Variants in TMEM178B observed in about 807,000 individuals in gnomAD.
The protein encoded by TMEM178B is transmembrane protein 178B.
In TMEM178B, 5 loss-of-function variants were observed where a neutral mutation model predicts 31.0. The observed-to-expected ratio is 0.16, with a 90% CI of 0.08 to 0.34. The LOEUF (loss-of-function observed/expected upper bound fraction) is 0.34, where lower values mean the gene tolerates loss of function less well. TMEM178B is among the 10% of genes least tolerant of loss of function. The pLI is 1.00. For missense variants in TMEM178B, 275 were observed against 400.3 expected, an observed-to-expected ratio of 0.69 and a Z score of 2.67; for synonymous variants, 164 against 164.0, an observed-to-expected ratio of 1.00 and a Z score of 0.00.
chr7:141,089,900 C>G (rs1794851978), intron 1 of TMEM178B, among the ~76,000 whole-genome samples: 1 of 151,856 alleles, frequency 6.6e-6, no homozygotes, highest in South Asian at 2.1e-4. Flanking sequence ...AGGAGATATA[C>G]CTAATGTAAA....
At chr7:141,430,399 C>T (rs1477067163) in intron 2 of TMEM178B, among the ~76,000 whole-genome samples, 3 of 152,202 alleles carry the variant, frequency 2.0e-5, no homozygotes, top group Non-Finnish European at 2.9e-5. Context: ...TCTAGCATTG[C>T]GCCAGGTACT....
intron 2 of TMEM178B, among the ~76,000 whole-genome samples, chr7:141,277,974 T>G (rs1436174147): frequency 6.6e-6 from 1 of 152,202 alleles, no homozygotes; most frequent in African/African-American, 2.4e-5. Flanking sequence ...TATGAAGATA[T>G]GAAGAGTCAG....
chr7:141,079,906 G>C (rs1057109375), intron 1 of TMEM178B, among the ~76,000 whole-genome samples: 1 of 152,200 alleles, frequency 6.6e-6, no homozygotes, highest in Non-Finnish European at 1.5e-5. Flanking sequence ...CAGTTAGTTA[G>C]GAAACAAAGG....
At chr7:141,343,943 G>A (rs754390657) in intron 2 of TMEM178B, among the ~76,000 whole-genome samples, 4 of 152,166 alleles carry the variant, frequency 2.6e-5, no homozygotes, top group Non-Finnish European at 5.9e-5. Context: ...GCAACCCAGA[G>A]GATCCCTGAT....
chr7:141,422,262 G>A lies in TMEM178B; in HGVS notation c.497-15346G>A, dbSNP rs1443686547. ...GGCCCTCCATGTGGTGGGGCCCAAA[G>A]GCTGGCTCTCCCTCTCTTGTACAGG... On this transcript the variant is annotated intron_variant, in intron 2 of 3. Coordinates refer to ENST00000565468, the MANE Select transcript of TMEM178B (RefSeq NM_001195278.2). This position sits in a 1 kb window ranked among gnomAD's most constrained non-coding sequence, Gnocchi z 4.2. 1.3e-5 allele frequency among the ~76,000 whole-genome samples: 2 copies of A among 152,192 alleles called. No individual in the cohort carries two copies. The highest frequency in any genetic ancestry group is 2.9e-5 in the Non-Finnish European group (2 of 68,036).
intron 2 of TMEM178B, among the ~76,000 whole-genome samples, chr7:141,251,083 T>A (rs1797825061): frequency 6.6e-6 from 1 of 152,014 alleles, no homozygotes; most frequent in South Asian, 2.1e-4. Flanking sequence ...TTTTTAAGCA[T>A]CTTCTGTGGG....
intron 2 of TMEM178B, among the ~76,000 whole-genome samples, chr7:141,409,281 G>C (rs1477297237): frequency 1.3e-5 from 2 of 152,138 alleles, no homozygotes; most frequent in Non-Finnish European, 2.9e-5. Context: ...AAGAAAAACT[G>C]TTCCCAGATG....
chr7:141,290,386 T>C (rs1280807612), intron 2 of TMEM178B, among the ~76,000 whole-genome samples: 1 of 152,216 alleles, frequency 6.6e-6, no homozygotes, highest in Non-Finnish European at 1.5e-5. Flanking sequence ...ATTTACTACC[T>C]TCTGTCTTCA....
At chr7:141,087,361 G>T (rs1031903196) in intron 1 of TMEM178B, among the ~76,000 whole-genome samples, 1 of 152,196 alleles carries the variant, frequency 6.6e-6, no homozygotes, top group Non-Finnish European at 1.5e-5. Flanking sequence ...TACAATGATT[G>T]ATTACTGAGA....
At chr7:141,451,366 T>G (rs902883401) in intron 3 of TMEM178B, among the ~76,000 whole-genome samples, 1 of 152,254 alleles carries the variant, frequency 6.6e-6, no homozygotes, top group African/African-American at 2.4e-5. Flanking sequence ...TTTTTAATAC[T>G]GCGTGCTCAG....
intron 2 of TMEM178B, among the ~76,000 whole-genome samples, chr7:141,429,201 C>T (rs771751801): frequency 3.3e-5 from 5 of 151,960 alleles, no homozygotes; most frequent in Admixed American, 1.3e-4. Context: ...AGTATGTTAA[C>T]GAGATATCTG....
rs778239387 is a variant in TMEM178B at position 141,341,002 on chromosome 7, A to G, written c.497-96606A>G. ...GAAAGAAAGATAAGCTCTAAAAAAA[A>G]GTTTGCAGCCAAAAAATATTGAGGG... On this transcript the variant is annotated intron_variant, in intron 2 of 3. Coordinates refer to ENST00000565468, the MANE Select transcript of TMEM178B (RefSeq NM_001195278.2). Among the ~76,000 whole-genome samples, 17 of 152,346 alleles carry G rather than the reference A, an allele frequency of 1.1e-4. 1 individual carries two copies. Among genetic ancestry groups the G allele is most frequent in the Admixed American group, 5.9e-4 (9 of 15,298 alleles).
At chr7:141,409,221 C>T (rs1054382451) in intron 2 of TMEM178B, among the ~76,000 whole-genome samples, 30 of 152,044 alleles carry the variant, frequency 2.0e-4, no homozygotes, top group African/African-American at 6.8e-4. Context: ...GGACAAAGGG[C>T]CTGTGGGAGA....
intron 2 of TMEM178B, among the ~76,000 whole-genome samples, chr7:141,275,602 G>A (rs913130240): frequency 6.6e-6 from 1 of 152,190 alleles, no homozygotes; most frequent in South Asian, 2.1e-4. Flanking sequence ...AGGATTGTTA[G>A]TATCTGAAAG....
chr7:141,465,099 CA>C (rs1802127449), intron 3 of TMEM178B, among the ~76,000 whole-genome samples: 2 of 152,200 alleles, frequency 1.3e-5, no homozygotes, highest in African/African-American at 4.8e-5. Flanking sequence ...ATGTGAAATA[CA>C]ATGAAGACTT....
chr7:141,161,670 G>T (rs150029205), intron 1 of TMEM178B, among the ~76,000 whole-genome samples: 4 of 152,164 alleles, frequency 2.6e-5, no homozygotes, highest in African/African-American at 9.7e-5. Context: ...GGGCCTGGGC[G>T]TGGGTGCCTG....
At chr7:141,113,798 G>A (rs533251414) in intron 1 of TMEM178B, among the ~76,000 whole-genome samples, 3 of 152,326 alleles carry the variant, frequency 2.0e-5, no homozygotes, top group African/African-American at 7.2e-5. Flanking sequence ...GTAGAATTGA[G>A]TTGAGGACAA....
At chr7:141,229,664 T>C (rs1797409863) in intron 2 of TMEM178B, among the ~76,000 whole-genome samples, 3 of 152,160 alleles carry the variant, frequency 2.0e-5, no homozygotes, top group Non-Finnish European at 1.5e-5. Context: ...GTTTCATTCC[T>C]GTAATCCCAG....
intron 2 of TMEM178B, among the ~76,000 whole-genome samples, chr7:141,370,102 G>A (rs1474718360): frequency 7.2e-6 from 1 of 139,534 alleles, no homozygotes; most frequent in Non-Finnish European, 1.6e-5. Context: ...AGTGGAACCG[G>A]GAGGAACCCC....
Sources: allele counts gnomAD v4.1 joint callset (sites outside exome capture counted in the v4.1 genomes callset), GRCh38; gene constraint gnomAD v4.1.1; non-coding constraint Gnocchi (gnomAD v3.1); transcripts MANE v1.5; gene names NCBI Gene and HGNC (gene_info 2026-07-23, HGNC 2026-07-21).